Variants in IDO2 observed in about 807,000 individuals in gnomAD.
IDO2 encodes the protein indoleamine 2,3-dioxygenase 2.
IDO2 carries 46 observed loss-of-function variants against 45.1 expected under a neutral mutation model. That is an observed-to-expected ratio of 1.02 (90% CI 0.80 to 1.30). The LOEUF (loss-of-function observed/expected upper bound fraction) is 1.30, where lower values mean the gene tolerates loss of function less well. IDO2 is among the 50% of genes most tolerant of loss of function. The pLI, the probability that IDO2 is intolerant of heterozygous loss-of-function variation, is 0.00. For missense variants in IDO2, 544 were observed against 491.8 expected, an observed-to-expected ratio of 1.11 and a Z score of -1.00; for synonymous variants, 218 against 184.9, an observed-to-expected ratio of 1.18 and a Z score of -1.45.
intron 2 of IDO2, among the ~76,000 whole-genome samples, chr8:39,958,229 T>C (rs1328701071): frequency 6.6e-6 from 1 of 151,838 alleles, no homozygotes; most frequent in Non-Finnish European, 1.5e-5. Flanking sequence ...TGAGACGGAG[T>C]CTTGCTCTCT....
At chr8:40,013,959 G>A (rs957309768) in intron 10 of IDO2, among the ~76,000 whole-genome samples, 6 of 152,234 alleles carry the variant, frequency 3.9e-5, no homozygotes, top group African/African-American at 1.4e-4. Flanking sequence ...GTTTCCAACT[G>A]TTCACTATCA....
intron 2 of IDO2, among the ~76,000 whole-genome samples, chr8:39,954,589 A>G (rs1385956029): frequency 6.9e-6 from 1 of 144,454 alleles, no homozygotes; most frequent in East Asian, 2.1e-4. Context: ...TGGCCTCCTT[A>G]TTATTGTGTC....
chr8:40,002,391 G>T (rs1427886577), intron 8 of IDO2, among the ~76,000 whole-genome samples: 1 of 152,124 alleles, frequency 6.6e-6, no homozygotes, highest in Non-Finnish European at 1.5e-5. Flanking sequence ...TCATTTTCAA[G>T]CAGAGCAAAC....
intron 8 of IDO2, among the ~76,000 whole-genome samples, 155 bp downstream of exon 8, chr8:39,989,993 CAT>C (rs946745469): frequency 3.1e-4 from 47 of 152,310 alleles, no homozygotes; most frequent in Admixed American, 2.9e-3. Flanking sequence ...AGGTTAAACA[CAT>C]ATTATCTTGG....
intron 1 of IDO2, among the ~76,000 whole-genome samples, chr8:39,940,069 C>G (rs988070542): frequency 6.6e-6 from 1 of 152,186 alleles, no homozygotes. Flanking sequence ...AAATTCCCAG[C>G]CTTACTGTTA....
chr8:40,015,826 A>G (rs1802379736), exon 11 of IDO2: 1 of 526,234 alleles, frequency 1.9e-6, no homozygotes, highest in East Asian at 2.9e-5. Flanking sequence ...GCTTAACGGC[A>G]TGTATAATGG....
At chr8:39,952,677 A>G (rs973817411) in intron 2 of IDO2, among the ~76,000 whole-genome samples, 2 of 152,166 alleles carry the variant, frequency 1.3e-5, no homozygotes, top group Non-Finnish European at 2.9e-5. Context: ...TTCTTTAGAC[A>G]TGGAGAATAC....
intron 1 of IDO2, among the ~76,000 whole-genome samples, chr8:39,941,775 C>T (rs892923033): frequency 6.6e-6 from 1 of 151,656 alleles, no homozygotes; most frequent in Non-Finnish European, 1.5e-5. Context: ...GAAAGAAAAC[C>T]AGAAATGCAT....
At chr8:39,944,625 C>T (rs952056091) in intron 1 of IDO2, among the ~76,000 whole-genome samples, 25 of 152,330 alleles carry the variant, frequency 1.6e-4, no homozygotes, top group Middle Eastern at 3.4e-3. Context: ...TGATTGATAA[C>T]GCCCAAAGCC....
At chr8:39,956,182 CT>C (rs1167687871) in intron 2 of IDO2, among the ~76,000 whole-genome samples, 3 of 152,002 alleles carry the variant, frequency 2.0e-5, no homozygotes, top group Non-Finnish European at 4.4e-5. Context: ...ACTCAGCCTC[CT>C]GAGTAGCTGG....
intron 10 of IDO2, among the ~76,000 whole-genome samples, chr8:40,014,378 A>G (rs1802355060): frequency 1.3e-5 from 2 of 152,220 alleles, no homozygotes; most frequent in Admixed American, 6.5e-5. Flanking sequence ...CATGCATAAT[A>G]TTAAACCCAT....
chr8:39,984,143 G>A (rs773014995), intron 5 of IDO2, among the ~76,000 whole-genome samples: 2 of 152,152 alleles, frequency 1.3e-5, no homozygotes, highest in African/African-American at 4.8e-5. Context: ...ATAAGAGAAG[G>A]TTGAAGGGAA....
intron 9 of IDO2, 149 bp from the exon 10 acceptor site, chr8:40,013,416 C>T (rs1441393344): frequency 2.0e-5 from 14 of 712,238 alleles, no homozygotes; most frequent in Non-Finnish European, 3.3e-5. Flanking sequence ...TGCTTCAGTA[C>T]TTACCCTACA....
intron 3 of IDO2, among the ~76,000 whole-genome samples, chr8:39,972,862 T>A (rs1808201052): frequency 6.6e-6 from 1 of 152,146 alleles, no homozygotes; most frequent in African/African-American, 2.4e-5. Context: ...CATTAGCATA[T>A]TTTAGCAATA....
At chr8:39,959,111 A>AT (rs36099242) in intron 2 of IDO2, among the ~76,000 whole-genome samples, 19,074 of 141,686 alleles carry the variant, frequency 0.13, 1,721 homozygotes, top group Non-Finnish European at 0.21. Flanking sequence ...TAATCTGTAG[A>AT]TTTTTTTTTT....
chr8:39,949,026 A>C, intron 1 of IDO2, 123 bp from the exon 2 acceptor site: 1 of 1,279,510 alleles, frequency 7.8e-7, no homozygotes, highest in Non-Finnish European at 1.0e-6. Context: ...TCTGGAATTC[A>C]ACCTCAGGGA....
chr8:39,993,396 C>T (rs763342299), intron 8 of IDO2, among the ~76,000 whole-genome samples: 15 of 152,156 alleles, frequency 9.9e-5, no homozygotes, highest in Non-Finnish European at 1.6e-4. Flanking sequence ...CTTGACCCAT[C>T]GGCGCATTGG....
intron 1 of IDO2, among the ~76,000 whole-genome samples, chr8:39,939,186 T>A (rs1807603264): frequency 1.4e-5 from 2 of 145,060 alleles, no homozygotes; most frequent in South Asian, 4.3e-4. Flanking sequence ...GAGGTTGCAG[T>A]GAGCCGAGAT....
At chr8:39,944,444 A>C (rs547974722) in intron 1 of IDO2, among the ~76,000 whole-genome samples, 29 of 152,214 alleles carry the variant, frequency 1.9e-4, no homozygotes, top group Non-Finnish European at 3.2e-4. Context: ...TTCCACCTGA[A>C]TTGACTCTCC....
Sources: allele counts gnomAD v4.1 joint callset (sites outside exome capture counted in the v4.1 genomes callset), GRCh38; gene constraint gnomAD v4.1.1; transcripts MANE v1.5; gene names NCBI Gene and HGNC (gene_info 2026-07-23, HGNC 2026-07-21).